The following FBXL2 variants were observed in gnomAD, a reference collection of about 807,000 sequenced individuals.
FBXL2 encodes the protein F-box/LRR-repeat protein 2.
FBXL2 carries 38 observed loss-of-function variants against 69.2 expected under a neutral mutation model. That is an observed-to-expected ratio of 0.55 (90% CI 0.42 to 0.72). FBXL2 has a LOEUF of 0.72. Ranked by LOEUF, FBXL2 falls within the 30% of genes least tolerant of loss-of-function variation. The probability of loss-of-function intolerance (pLI) is 0.00; values close to 1 mark genes in which losing one functional copy is unlikely to be tolerated. For missense variants in FBXL2, 354 were observed against 520.3 expected, an observed-to-expected ratio of 0.68 and a Z score of 3.11; for synonymous variants, 192 against 201.3, an observed-to-expected ratio of 0.95 and a Z score of 0.39.
At chr3:33,372,988 A>C in intron 5 of FBXL2, 104 bp from the exon 6 acceptor site, 1 of 940,918 alleles carries the variant, frequency 1.1e-6, no homozygotes. Flanking sequence ...TACGCGCTTT[A>C]ATTAAGTTTG....
chr3:33,283,261 C>T (rs1241486047), intron 1 of FBXL2, among the ~76,000 whole-genome samples: 1 of 151,994 alleles, frequency 6.6e-6, no homozygotes, highest in Non-Finnish European at 1.5e-5. Context: ...GCAAGAAGGG[C>T]TGTTGAATTT....
At chr3:33,385,434 A>T in intron 14 of FBXL2, 67 bp from the exon 15 acceptor site, 1 of 1,366,586 alleles carries the variant, frequency 7.3e-7, no homozygotes, top group Non-Finnish European at 1.0e-6. Flanking sequence ...AGGTTTTTCT[A>T]GAATTATGAC....
intron 2 of FBXL2, among the ~76,000 whole-genome samples, chr3:33,355,025 G>T (rs926783357): frequency 2.0e-5 from 3 of 152,128 alleles, no homozygotes; most frequent in African/African-American, 7.2e-5. Flanking sequence ...ACCTCCCCGG[G>T]CTCTGTTAGT....
rs571076481 is a variant in FBXL2, at chr3:33,357,957, A to G, written c.66-1010A>G. On this transcript the variant is annotated intron_variant, in intron 2 of 14. Transcript: ENST00000484457. Reference sequence around the variant, plus strand: ...TGCAGTCAGTATCCCATGGTACTGCATGTGGGTGCATTATTGTAGGGTACA... The same window carrying G: ...TGCAGTCAGTATCCCATGGTACTGCGTGTGGGTGCATTATTGTAGGGTACA... Among the ~76,000 whole-genome samples, 168 of 152,312 alleles carry G rather than the reference A, an allele frequency of 1.1e-3. 1 individual carries two copies. Among genetic ancestry groups the G allele is most frequent in the African/African-American group, 3.9e-3 (161 of 41,566 alleles).
At chr3:33,396,863 C>T (rs762918361) in intron 12 of FBXL2, 43 of 695,880 alleles carry the variant, frequency 6.2e-5, no homozygotes, top group Non-Finnish European at 1.1e-4. Context: ...GTGCCTGCAT[C>T]ATATCTGGGC....
chr3:33,405,183 A>G (rs1238875812), downstream of FBXL2, among the ~76,000 whole-genome samples: 1 of 152,206 alleles, frequency 6.6e-6, no homozygotes, highest in Non-Finnish European at 1.5e-5. Flanking sequence ...ATAAAAATAA[A>G]TAAGAAAAAA....
intron 12 of FBXL2, among the ~76,000 whole-genome samples, chr3:33,398,826 C>T (rs17030583): frequency 0.29 from 44,125 of 152,096 alleles, 7,026 homozygotes; most frequent in East Asian, 0.47. Context: ...TGCTTTTCAT[C>T]TGCCTTCCAT....
intron 2 of FBXL2, among the ~76,000 whole-genome samples, chr3:33,339,781 T>C (rs1386326199): frequency 6.6e-6 from 1 of 152,224 alleles, no homozygotes; most frequent in African/African-American, 2.4e-5. Context: ...TTCCTAGGTA[T>C]ATGTTCAGGT....
intron 2 of FBXL2, among the ~76,000 whole-genome samples, chr3:33,319,828 C>A (rs962021848): frequency 6.6e-6 from 1 of 152,042 alleles, no homozygotes; most frequent in Non-Finnish European, 1.5e-5. Flanking sequence ...AAATTAATGT[C>A]ATTTAGGAAA....
intron 5 of FBXL2, among the ~76,000 whole-genome samples, chr3:33,369,759 T>G (rs2154046527): frequency 6.6e-6 from 1 of 152,196 alleles, no homozygotes; most frequent in African/African-American, 2.4e-5. Flanking sequence ...ACTACAGGCA[T>G]GTACCACCCC....
chr3:33,403,106 A>G, intron 12 of FBXL2: 2 of 522,234 alleles, frequency 3.8e-6, no homozygotes, highest in Admixed American at 3.3e-5. Flanking sequence ...CTAGACACTG[A>G]TTAATCTTAG....
chr3:33,353,605 G>A (rs2040985772), intron 2 of FBXL2, among the ~76,000 whole-genome samples: 1 of 152,168 alleles, frequency 6.6e-6, no homozygotes, highest in South Asian at 2.1e-4. Flanking sequence ...AAAGATCAGT[G>A]GGGCTGGGCA....
chr3:33,314,434 T>C (rs1429994173), intron 2 of FBXL2, among the ~76,000 whole-genome samples: 1 of 152,224 alleles, frequency 6.6e-6, no homozygotes, highest in Non-Finnish European at 1.5e-5. Context: ...GTCTTTTCTA[T>C]GTCTGACTTA....
intron 2 of FBXL2, among the ~76,000 whole-genome samples, chr3:33,311,492 C>T (rs1312868197): frequency 2.0e-5 from 3 of 151,690 alleles, no homozygotes; most frequent in African/African-American, 7.3e-5. Context: ...CCTTTTTGTT[C>T]CTCTGAGTGA....
chr3:33,363,088 T>C (rs1407939211), intron 4 of FBXL2, among the ~76,000 whole-genome samples: 1 of 152,204 alleles, frequency 6.6e-6, no homozygotes, highest in East Asian at 1.9e-4. Context: ...TCACCCAGGC[T>C]GGACTGCAGT....
In FBXL2 at chr3:33,277,489, G is replaced by A; in HGVS notation, c.-24G>A. On this transcript the variant is annotated 5_prime_UTR_variant, in exon 1 of 15. Transcript: ENST00000484457. ...CCGGCGCCGTGTGACTTCGGGCTGT[G>A]GGCTCGCTCGCGGCTCTTCGGCCAT... is the stretch of plus-strand genomic sequence containing the variant. 7.7e-7 allele frequency: 1 copy of A among 1,295,258 alleles called. No homozygotes were observed. Among genetic ancestry groups the A allele is most frequent in the Non-Finnish European group, 9.9e-7 (1 of 1,013,332 alleles). The allele number at this position is 1,295,258 out of a possible 1,614,324, so 80.2% of individuals were successfully genotyped here.
intron 2 of FBXL2, among the ~76,000 whole-genome samples, chr3:33,298,892 C>G (rs745539841): frequency 2.6e-5 from 4 of 151,870 alleles, no homozygotes; most frequent in African/African-American, 4.8e-5. Flanking sequence ...AGGAAACAAA[C>G]TGTAGTCCTA....
At chr3:33,400,413 C>G (rs2044179754) in intron 12 of FBXL2, 4 of 593,338 alleles carry the variant, frequency 6.7e-6, no homozygotes, top group Non-Finnish European at 1.1e-5. Flanking sequence ...TCCAGCAACC[C>G]AAATGATGCA....
intron 12 of FBXL2, chr3:33,393,473 A>G (rs772271929): frequency 5.6e-6 from 9 of 1,594,494 alleles, no homozygotes; most frequent in South Asian, 1.2e-5. Context: ...AAAAAAAAAA[A>G]AAGAAAAGCA....
Sources: gnomAD v4.1 joint callset for allele counts (sites outside exome capture counted in the v4.1 genomes callset) on GRCh38, gnomAD v4.1.1 for gene constraint, MANE v1.5 for transcripts, NCBI Gene and HGNC (gene_info 2026-07-23, HGNC 2026-07-21) for gene names.